The following GNAZ variants were observed in gnomAD, a reference collection of about 807,000 sequenced individuals.
GNAZ encodes the protein guanine nucleotide-binding protein G(z) subunit alpha.
GNAZ carries 3 observed loss-of-function variants against 25.4 expected under a neutral mutation model. The observed-to-expected ratio is 0.12, with a 90% CI of 0.05 to 0.30. The LOEUF is 0.30. Ranked by LOEUF, GNAZ falls within the 10% of genes least tolerant of loss-of-function variation. The pLI is 1.00. For synonymous variants in GNAZ, 211 were observed against 205.7 expected (o/e 1.03, Z -0.22); for missense variants, 241 against 501.8 (o/e 0.48, Z 4.97).
chr22:23,097,951 G>A (rs1276444339), intron 2 of GNAZ, among the ~76,000 whole-genome samples: 2 of 152,266 alleles, frequency 1.3e-5, no homozygotes, highest in Non-Finnish European at 2.9e-5. Context: ...GACAGGCCGT[G>A]CCCACAGGTG....
intron 1 of GNAZ, among the ~76,000 whole-genome samples, chr22:23,075,947 A>G (rs183290331): frequency 1.3e-5 from 2 of 152,250 alleles, no homozygotes; most frequent in East Asian, 3.9e-4. Flanking sequence ...ATGGAGGCCA[A>G]GGTCCTCTGA....
rs563615228 is a variant in GNAZ, at chr22:23,092,323, C to T, written c.-449-2924C>T. ...ATTTGAACCACAGCCAGGCTCCCAA[C>T]GCAAGGCTTCCTTACATCCGTGCAC... On this transcript the variant is annotated intron_variant, in intron 1 of 2. Transcript: ENST00000615612. Among the ~76,000 whole-genome samples the T allele has an allele frequency of 5.2e-4, 79 of 152,280 alleles. 1 individual carries two copies. Among genetic ancestry groups the T allele is most frequent in the African/African-American group, 1.9e-3 (77 of 41,554 alleles).
At chr22:23,114,263 T>C in intron 2 of GNAZ, among the ~76,000 whole-genome samples, 1 of 152,108 alleles carries the variant, frequency 6.6e-6, no homozygotes, top group Non-Finnish European at 1.5e-5. Flanking sequence ...AAAGCTGAAT[T>C]CACGGTTCGG....
Position 23,095,468 on chromosome 22 carries a change from T to G in GNAZ, c.-228T>G. ...CACTTTGCCAACTAGGGAGGTGGAG[T>G]GTCACTAGTGGGGAGGGGCGGCCAC... On this transcript the variant is annotated 5_prime_UTR_variant, in exon 2 of 3. Transcript: ENST00000615612. The G allele has an allele frequency of 1.9e-6, 1 of 535,396 alleles. No individual in the cohort carries two copies. Among genetic ancestry groups the G allele is most frequent in the African/African-American group, 1.9e-5 (1 of 52,464 alleles). 33.2% of individuals were successfully genotyped at this position (535,396 alleles called of 1,614,324 possible). A position where few individuals can be genotyped will look rare whatever the true frequency, so the allele number is the denominator to read the frequency against.
rs547325924 is a variant in GNAZ, at chr22:23,095,716, A to G, written c.21A>G (p.Ser7=). 6 of 1,609,814 alleles carry G rather than the reference A, an allele frequency of 3.7e-6. No homozygotes were observed. Among genetic ancestry groups the G allele is most frequent in the Non-Finnish European group, 5.1e-6 (6 of 1,178,478 alleles). The change falls in exon 2 of 3, where the codon TCA becomes TCG. Residue 7 remains serine, a synonymous_variant. Transcript: ENST00000615612. MGCRQS[S]EEKEAARRSR... ...AGACCATGGGATGTCGGCAAAGCTC[A>G]GAGGAAAAAGAAGCAGCCCGGCGGT... is the stretch of plus-strand genomic sequence containing the variant.
intron 1 of GNAZ, among the ~76,000 whole-genome samples, chr22:23,072,584 C>T (rs1212659095): frequency 6.6e-6 from 1 of 152,222 alleles, no homozygotes; most frequent in Non-Finnish European, 1.5e-5. Flanking sequence ...TGTGCCTACC[C>T]TCCCCACCCA....
At position 23,124,421 on chromosome 22, in the gene GNAZ, G is replaced by T; in HGVS notation, c.*990G>T. The stretch of plus-strand genomic sequence containing the variant: ...CTCCAAAGAAATTTTGGAGTGAGTG[G>T]CAGTCCTGCGCCAGCCTCGCGGGAC... On this transcript the variant is annotated 3_prime_UTR_variant, in exon 3 of 3. Coordinates refer to ENST00000615612, the MANE Select transcript of GNAZ (RefSeq NM_002073.4). 2.1e-6 allele frequency: 1 copy of T among 469,776 alleles called. No individual in the cohort carries two copies. The highest frequency in any genetic ancestry group is 3.3e-4 in the Middle Eastern group (1 of 3,072). 29.1% of individuals were successfully genotyped at this position (469,776 alleles called of 1,614,324 possible). A position where few individuals can be genotyped will look rare whatever the true frequency, so the allele number is the denominator to read the frequency against.
chr22:23,091,974 C>T (rs535653880), intron 1 of GNAZ, among the ~76,000 whole-genome samples: 8 of 152,342 alleles, frequency 5.3e-5, no homozygotes, highest in African/African-American at 1.7e-4. Flanking sequence ...CAGGGCCTTA[C>T]AGCATGTTCC....
At chr22:23,116,925 T>C (rs1350958299) in intron 2 of GNAZ, among the ~76,000 whole-genome samples, 1 of 152,176 alleles carries the variant, frequency 6.6e-6, no homozygotes, top group African/African-American at 2.4e-5. Flanking sequence ...TGAGGAAGCC[T>C]GGAGGATGCC....
At position 23,090,644 on chromosome 22, in the gene GNAZ, C is replaced by T. The variant is rs570281851; in HGVS notation, c.-449-4603C>T. ...AGGGCCTTTGTGCCGGTGGTTCCCT[C>T]ATCCCTGATGCCTGCTTGCCTCCCT... On this transcript the variant is annotated intron_variant, in intron 1 of 2. Coordinates refer to ENST00000615612, the MANE Select transcript of GNAZ (RefSeq NM_002073.4). Among the ~76,000 whole-genome samples, 7 of 152,288 alleles carry T rather than the reference C, an allele frequency of 4.6e-5. No homozygotes were observed. The South Asian group carries it at 1.2e-3, about 27-fold the overall frequency.
intron 2 of GNAZ, 98 bp downstream of exon 2, chr22:23,096,516 A>G (rs1206069102): frequency 1.6e-6 from 2 of 1,286,492 alleles, no homozygotes; most frequent in East Asian, 4.6e-5. Context: ...GCAGCCAGAA[A>G]GGGAACCAGG....
chr22:23,104,192 CTG>C (rs2069390566), intron 2 of GNAZ, among the ~76,000 whole-genome samples: 1 of 152,144 alleles, frequency 6.6e-6, no homozygotes, highest in Admixed American at 6.5e-5. Flanking sequence ...GCACAGTGCC[CTG>C]CAGCGGGATG....
intron 1 of GNAZ, among the ~76,000 whole-genome samples, chr22:23,077,848 C>T (rs2068548744): frequency 6.6e-6 from 1 of 152,192 alleles, no homozygotes; most frequent in African/African-American, 2.4e-5. Flanking sequence ...CCCTGACCCC[C>T]TGTGAACTGG....
At chr22:23,082,455 G>T (rs1265764169) in intron 1 of GNAZ, among the ~76,000 whole-genome samples, 3 of 149,674 alleles carry the variant, frequency 2.0e-5, no homozygotes, top group African/African-American at 7.4e-5. Flanking sequence ...AACTGACTTC[G>T]TGATCCACCT....
At chr22:23,078,258 C>T (rs981196330) in intron 1 of GNAZ, among the ~76,000 whole-genome samples, 12 of 152,234 alleles carry the variant, frequency 7.9e-5, no homozygotes, top group Middle Eastern at 3.2e-3. Flanking sequence ...TATCCAATTT[C>T]GGATTAATCA....
chr22:23,085,100 G>A (rs1489461751), intron 1 of GNAZ, among the ~76,000 whole-genome samples: 1 of 152,152 alleles, frequency 6.6e-6, no homozygotes, highest in African/African-American at 2.4e-5. Context: ...CCTCAGATAG[G>A]TGGACATGGT....
intron 1 of GNAZ, among the ~76,000 whole-genome samples, chr22:23,082,138 A>AC (rs1211719153): frequency 3.0e-5 from 2 of 67,210 alleles, no homozygotes; most frequent in East Asian, 9.6e-4. Context: ...AAAAAAACAA[A>AC]AAAAAAAAAC....
At chr22:23,111,154 C>T (rs537383299) in intron 2 of GNAZ, among the ~76,000 whole-genome samples, 5 of 152,298 alleles carry the variant, frequency 3.3e-5, no homozygotes, top group East Asian at 1.9e-4. Flanking sequence ...GAGCCTCTGC[C>T]GGGGAGTGGC....
At chr22:23,096,449 G>A in intron 2 of GNAZ, 31 bp downstream of exon 2, 3 of 1,570,732 alleles carry the variant, frequency 1.9e-6, no homozygotes, top group Non-Finnish European at 2.6e-6. Flanking sequence ...TCCTCTGCTT[G>A]TTCCTGCTGT....
Sources: gnomAD v4.1 joint callset for allele counts (sites outside exome capture counted in the v4.1 genomes callset) on GRCh38, gnomAD v4.1.1 for gene constraint, MANE v1.5 for transcripts, NCBI Gene and HGNC (gene_info 2026-07-23, HGNC 2026-07-21) for gene names.